Variants in MAP1B observed in about 807,000 individuals in gnomAD.
MAP1B encodes microtubule-associated protein 1B.
In MAP1B, 12 loss-of-function variants were observed where a neutral mutation model predicts 176.1. That is an observed-to-expected ratio of 0.07 (90% CI 0.04 to 0.11). The LOEUF (loss-of-function observed/expected upper bound fraction) is 0.11. Among genes scored for constraint, MAP1B ranks in the 10% least tolerant of loss-of-function variants. MAP1B has a pLI of 1.00. For missense variants in MAP1B, 2,523 were observed against 2,990.5 expected (o/e 0.84, Z 3.65); for synonymous variants, 1,044 against 1,135.0 (o/e 0.92, Z 1.61).
intron 5 of MAP1B, among the ~76,000 whole-genome samples, chr5:72,202,724 C>T (rs1452409283): frequency 2.6e-5 from 4 of 152,292 alleles, no homozygotes; most frequent in Middle Eastern, 3.4e-3. Flanking sequence ...ATTATATAGT[C>T]AGGCTGAAGA....
chr5:72,189,923 G>T (rs1746990369), intron 4 of MAP1B, among the ~76,000 whole-genome samples: 2 of 152,110 alleles, frequency 1.3e-5, no homozygotes, highest in Admixed American at 1.3e-4. Context: ...GAAGACACAT[G>T]ATGTGACCTA....
chr5:72,178,138 G>T (rs1050038598), intron 2 of MAP1B, among the ~76,000 whole-genome samples: 1 of 152,176 alleles, frequency 6.6e-6, no homozygotes, highest in Admixed American at 6.5e-5. Flanking sequence ...AAGTAGCTGG[G>T]ATTACAGGCA....
intron 2 of MAP1B, among the ~76,000 whole-genome samples, chr5:72,174,326 T>C (rs1746607509): frequency 6.6e-6 from 1 of 152,218 alleles, no homozygotes; most frequent in Admixed American, 6.5e-5. Flanking sequence ...TAAAAAATTG[T>C]ATAAACCATA....
intron 2 of MAP1B, among the ~76,000 whole-genome samples, chr5:72,121,004 G>T (rs1368730131): frequency 2.0e-5 from 3 of 152,238 alleles, no homozygotes; most frequent in Non-Finnish European, 4.4e-5. Context: ...CTGACTATGT[G>T]TAAAGGGTGA....
At chr5:72,167,705 A>G (rs2112189222) in intron 2 of MAP1B, among the ~76,000 whole-genome samples, 1 of 152,370 alleles carries the variant, frequency 6.6e-6, no homozygotes, top group African/African-American at 2.4e-5. Flanking sequence ...ACCAGAAATG[A>G]GAAATATATT....
At position 72,205,356 on chromosome 5, in the gene MAP1B, C is replaced by A; in HGVS notation, c.*117C>A. On this transcript the variant is annotated 3_prime_UTR_variant, in exon 7 of 7. Transcript: ENST00000296755. ...GTTAAGTCGCTGAACAATTACCTGC[C>A]AAATGCTATACTGTGTCATGGTGAT... The A allele has an allele frequency of 2.0e-6, 2 of 1,008,356 alleles. No homozygotes were observed. The highest frequency in any genetic ancestry group is 1.6e-5 in the African/African-American group (1 of 61,920). The allele number at this position is 1,008,356 out of a possible 1,614,324, so 62.5% of individuals were successfully genotyped here.
intron 1 of MAP1B, among the ~76,000 whole-genome samples, chr5:72,114,054 T>G (rs1745388032): frequency 6.6e-6 from 1 of 152,222 alleles, no homozygotes; most frequent in Non-Finnish European, 1.5e-5. Flanking sequence ...CTTAAGCACG[T>G]TAACTCTTCC....
At chr5:72,137,357 C>T (rs907119903) in intron 2 of MAP1B, among the ~76,000 whole-genome samples, 5 of 152,084 alleles carry the variant, frequency 3.3e-5, no homozygotes, top group Non-Finnish European at 5.9e-5. Flanking sequence ...GGATGATAGG[C>T]AATAAATATG....
chr5:72,167,852 A>T (rs1378591268), intron 2 of MAP1B, among the ~76,000 whole-genome samples: 1 of 152,158 alleles, frequency 6.6e-6, no homozygotes, highest in Non-Finnish European at 1.5e-5. Flanking sequence ...TTTTATAATG[A>T]ATTTGATTAG....
At chr5:72,166,179 A>G (rs766654807) in intron 2 of MAP1B, among the ~76,000 whole-genome samples, 3 of 152,218 alleles carry the variant, frequency 2.0e-5, no homozygotes, top group Non-Finnish European at 4.4e-5. Flanking sequence ...TACAAGGTAT[A>G]TCCCAGCACT....
chr5:72,111,451 A>G (rs1276452430), intron 1 of MAP1B, among the ~76,000 whole-genome samples: 2 of 152,200 alleles, frequency 1.3e-5, no homozygotes, highest in Non-Finnish European at 2.9e-5. Flanking sequence ...ACATTGTTAC[A>G]TTCTGATGTC....
chr5:72,162,993 G>T (rs1364891633), intron 2 of MAP1B, among the ~76,000 whole-genome samples: 1 of 152,114 alleles, frequency 6.6e-6, no homozygotes, highest in Non-Finnish European at 1.5e-5. Flanking sequence ...ACTTTGGGAG[G>T]CTGAGGTGGG....
intron 2 of MAP1B, among the ~76,000 whole-genome samples, chr5:72,121,915 C>T (rs1242018070): frequency 6.6e-6 from 1 of 152,318 alleles, no homozygotes; most frequent in African/African-American, 2.4e-5. Flanking sequence ...CCTCAGGGAA[C>T]CTGCAATTTC....
At position 72,198,618 on chromosome 5, in the gene MAP1B, C is replaced by T; in HGVS notation, c.5263C>T (p.Pro1755Ser). 1 of 1,614,118 alleles carries T rather than the reference C, an allele frequency of 6.2e-7. No individual in the cohort carries two copies. Among genetic ancestry groups the T allele is most frequent in the Non-Finnish European group, 8.5e-7 (1 of 1,180,014 alleles). Residue 1755 changes from proline (P) to serine (S), a missense_variant, in exon 5 of 7, where the codon CCT becomes TCT. This residue lies in a region of MAP1B where 1,925 missense variants were observed against 2,126.0 expected (regional missense o/e 0.91). Transcript: ENST00000296755. ...AGAAGATACTCTATCCGATGTTGCT[C>T]CTCCCAGAGATATGTCCTTATATGC... ...LQEDTLSDVAPPRDMSLYASL... is the reference protein window; with the variant it reads ...LQEDTLSDVASPRDMSLYASL...
In MAP1B at chr5:72,147,141, G is replaced by A. The variant is rs543821580; in HGVS notation, c.286+31342G>A. Among the ~76,000 whole-genome samples, 7 of 151,970 alleles carry A rather than the reference G, an allele frequency of 4.6e-5. No homozygotes were observed. In the East Asian group the frequency reaches 1.2e-3, roughly 25 times the overall value. ...GCGCCACCACGACTGGCTAATTTTT[G>A]TATTTTTAGTAGAGACAAGGTTTCA... On this transcript the variant is annotated intron_variant, in intron 2 of 6. Transcript: ENST00000296755.
At chr5:72,179,993 G>A in intron 2 of MAP1B, 1 of 948,242 alleles carries the variant, frequency 1.1e-6, no homozygotes, top group South Asian at 4.9e-5. Context: ...ATGGTAAGAA[G>A]GCTCCTGCCA....
chr5:72,127,101 A>G (rs953339058), intron 2 of MAP1B, among the ~76,000 whole-genome samples: 2 of 152,260 alleles, frequency 1.3e-5, no homozygotes, highest in African/African-American at 2.4e-5. Flanking sequence ...TTGAACCTCA[A>G]GAGTTCTAGG....
Position 72,205,243 on chromosome 5 carries a change from C to A in MAP1B, c.*4C>A, listed in dbSNP as rs754339749. The A allele has an allele frequency of 6.2e-7, 1 of 1,607,190 alleles. No individual in the cohort carries two copies. Among genetic ancestry groups the A allele is most frequent in the Admixed American group, 1.7e-5 (1 of 58,318 alleles). The stretch of plus-strand genomic sequence containing the variant: ...TGCATGCAAGATTGAACTGTAAAAA[C>A]CAAGGCCAGCCACACCACAGGATCT... On this transcript the variant is annotated 3_prime_UTR_variant, in exon 7 of 7. Coordinates refer to ENST00000296755, the MANE Select transcript of MAP1B (RefSeq NM_005909.5).
chr5:72,170,985 T>C (rs928065626), intron 2 of MAP1B, among the ~76,000 whole-genome samples: 1 of 151,998 alleles, frequency 6.6e-6, no homozygotes, highest in African/African-American at 2.4e-5. Context: ...ATGTTTAATA[T>C]ATAGGGCTAG....
Sources: allele counts gnomAD v4.1 joint callset (sites outside exome capture counted in the v4.1 genomes callset), GRCh38; gene constraint gnomAD v4.1.1; regional missense constraint gnomAD v4.1.1; transcripts MANE v1.5; gene names NCBI Gene and HGNC (gene_info 2026-07-23, HGNC 2026-07-21).